The following TMEM117 variants were observed in gnomAD, a reference collection of about 807,000 sequenced individuals.
The protein encoded by TMEM117 is transmembrane protein 117.
TMEM117 carries 27 observed loss-of-function variants against 52.4 expected under a neutral mutation model. The observed-to-expected ratio is 0.51, with a 90% CI of 0.38 to 0.71. TMEM117 has a LOEUF of 0.71. TMEM117 is among the 30% of genes least tolerant of loss of function. TMEM117 has a pLI of 0.00. For synonymous variants in TMEM117, 215 were observed against 206.3 expected (o/e 1.04, Z -0.36); for missense variants, 556 against 630.5 (o/e 0.88, Z 1.26).
chr12:43,957,030 A>T (rs1224055458), intron 3 of TMEM117, among the ~76,000 whole-genome samples: 1 of 152,212 alleles, frequency 6.6e-6, no homozygotes, highest in Non-Finnish European at 1.5e-5. Flanking sequence ...GGAAGCCATC[A>T]TCCTCAGCAA....
chr12:44,224,601 A>G (rs961599883), intron 5 of TMEM117, among the ~76,000 whole-genome samples: 6 of 151,954 alleles, frequency 3.9e-5, no homozygotes, highest in African/African-American at 1.5e-4. Context: ...GCAAAATGCC[A>G]AGTATTGGAA....
intron 3 of TMEM117, among the ~76,000 whole-genome samples, chr12:44,084,402 A>G (rs1427650868): frequency 2.0e-5 from 3 of 152,188 alleles, no homozygotes; most frequent in Non-Finnish European, 4.4e-5. Flanking sequence ...TTATGCCATT[A>G]TCAATATAAC....
chr12:43,809,098 G>C, the TMEM117 span, among the ~76,000 whole-genome samples: 37,255 of 152,050 alleles, frequency 0.25, 4,976 homozygotes, highest in African/African-American at 0.35. Flanking sequence ...AAATCACAGC[G>C]TCCATAAAGT....
At chr12:43,822,635 C>T in the TMEM117 span, among the ~76,000 whole-genome samples, 3 of 152,118 alleles carry the variant, frequency 2.0e-5, no homozygotes, top group South Asian at 6.2e-4. Flanking sequence ...GTTTACCTGT[C>T]TCTATTATTT....
intron 3 of TMEM117, among the ~76,000 whole-genome samples, chr12:44,125,512 A>T (rs929844913): frequency 6.6e-6 from 1 of 152,110 alleles, no homozygotes; most frequent in Non-Finnish European, 1.5e-5. Context: ...GTATTTATTT[A>T]TAGTATTCTC....
intron 5 of TMEM117, among the ~76,000 whole-genome samples, chr12:44,250,538 CAT>C (rs1565637029): frequency 2.0e-5 from 3 of 152,106 alleles, no homozygotes; most frequent in African/African-American, 2.4e-5. Flanking sequence ...CACATGCACA[CAT>C]ATGTTTATTG....
At chr12:43,860,720 G>A (rs1401528832) in intron 2 of TMEM117, among the ~76,000 whole-genome samples, 1 of 152,172 alleles carries the variant, frequency 6.6e-6, no homozygotes, top group Non-Finnish European at 1.5e-5. Flanking sequence ...AGGAGGAGAA[G>A]TGGAGGGAGG....
chr12:44,255,009 T>A (rs138884293), intron 5 of TMEM117, among the ~76,000 whole-genome samples: 1 of 152,160 alleles, frequency 6.6e-6, no homozygotes, highest in Admixed American at 6.6e-5. Flanking sequence ...TATGGCTGCA[T>A]AGTATTCCAT....
intron 4 of TMEM117, among the ~76,000 whole-genome samples, chr12:44,177,229 C>A (rs1337962690): frequency 6.6e-6 from 1 of 152,124 alleles, no homozygotes; most frequent in Non-Finnish European, 1.5e-5. Context: ...GGTCAAGTCT[C>A]TAAGTCTGTA....
intron 3 of TMEM117, among the ~76,000 whole-genome samples, chr12:44,025,426 G>A (rs1233863974): frequency 6.6e-6 from 1 of 152,114 alleles, no homozygotes; most frequent in African/African-American, 2.4e-5. Flanking sequence ...AACTTCTGTG[G>A]AATTTTAGGA....
intron 3 of TMEM117, among the ~76,000 whole-genome samples, chr12:44,115,807 A>G (rs1443243890): frequency 6.6e-6 from 1 of 152,194 alleles, no homozygotes; most frequent in Non-Finnish European, 1.5e-5. Context: ...CACTCAAGAA[A>G]CTTAGAGTTA....
intron 3 of TMEM117, among the ~76,000 whole-genome samples, chr12:43,988,299 G>A (rs1286773991): frequency 1.3e-5 from 2 of 151,972 alleles, no homozygotes; most frequent in Non-Finnish European, 2.9e-5. Flanking sequence ...ATCTACATGT[G>A]TGAATTTGTG....
chr12:43,968,759 T>C (rs1046343528), intron 3 of TMEM117, among the ~76,000 whole-genome samples: 1 of 152,230 alleles, frequency 6.6e-6, no homozygotes, highest in African/African-American at 2.4e-5. Context: ...AGATTATAGA[T>C]GCCATATACC....
intron 3 of TMEM117, among the ~76,000 whole-genome samples, chr12:44,098,258 C>G (rs78955878): frequency 1.3e-5 from 2 of 152,000 alleles, no homozygotes; most frequent in East Asian, 3.9e-4. Flanking sequence ...AGAGGTCTTA[C>G]AGTCATAGAG....
chr12:43,948,679 T>C (rs1354120921), intron 3 of TMEM117, among the ~76,000 whole-genome samples: 1 of 152,212 alleles, frequency 6.6e-6, no homozygotes, highest in Non-Finnish European at 1.5e-5. Context: ...GTTTTGCATG[T>C]AGCCATTTTA....
At chr12:44,384,875 A>T (rs914123001) in intron 7 of TMEM117, among the ~76,000 whole-genome samples, 1 of 152,164 alleles carries the variant, frequency 6.6e-6, no homozygotes, top group Non-Finnish European at 1.5e-5. Context: ...TATTTCAGAG[A>T]ATGTTCTAAC....
intron 2 of TMEM117, among the ~76,000 whole-genome samples, chr12:43,891,907 A>T (rs900819705): frequency 6.6e-6 from 1 of 152,152 alleles, no homozygotes; most frequent in African/African-American, 2.4e-5. Flanking sequence ...CGTGGAAAAT[A>T]TACTTTAAAA....
chr12:44,363,897 G>A (rs767141582), intron 6 of TMEM117, among the ~76,000 whole-genome samples: 6 of 152,122 alleles, frequency 3.9e-5, no homozygotes, highest in Admixed American at 1.3e-4. Context: ...GCAGAGAGCA[G>A]TCAACAAATC....
intron 4 of TMEM117, among the ~76,000 whole-genome samples, chr12:44,199,675 A>T (rs762060864): frequency 2.0e-5 from 3 of 152,172 alleles, no homozygotes; most frequent in Non-Finnish European, 4.4e-5. Flanking sequence ...TATTTAAAAG[A>T]TAATTAAGGA....
Sources: allele counts gnomAD v4.1 joint callset (sites outside exome capture counted in the v4.1 genomes callset), GRCh38; gene constraint gnomAD v4.1.1; transcripts MANE v1.5; gene names NCBI Gene and HGNC (gene_info 2026-07-23, HGNC 2026-07-21).